The following AKAP13 variants were observed in gnomAD, a reference collection of about 807,000 sequenced individuals.
AKAP13 encodes A-kinase anchoring protein 13, also known as A-kinase anchor protein 13.
Under a neutral mutation model 264.5 loss-of-function variants are expected in AKAP13, and 80 were observed. That is an observed-to-expected ratio of 0.30 (90% CI 0.25 to 0.36). The LOEUF (loss-of-function observed/expected upper bound fraction) is 0.36, where lower values mean the gene tolerates loss of function less well. Among genes scored for constraint, AKAP13 ranks in the 10% least tolerant of loss-of-function variants. The pLI, the probability that AKAP13 is intolerant of heterozygous loss-of-function variation, is 1.00. For missense variants in AKAP13, 3,712 were observed against 3,435.2 expected (o/e 1.08, Z -2.01); for synonymous variants, 1,380 against 1,250.2 (o/e 1.10, Z -2.19).
chr15:85,636,776 G>A (rs1157170852), intron 8 of AKAP13, among the ~76,000 whole-genome samples: 1 of 152,016 alleles, frequency 6.6e-6, no homozygotes. Flanking sequence ...CACCACACCT[G>A]GCTGATTTTT....
At chr15:85,694,593 C>A (rs2085467024) in intron 17 of AKAP13, among the ~76,000 whole-genome samples, 1 of 152,184 alleles carries the variant, frequency 6.6e-6, no homozygotes, top group Admixed American at 6.5e-5. Flanking sequence ...AGGCTTCAAG[C>A]CACATTTAGC....
chr15:85,740,997 G>A (rs536224019), intron 34 of AKAP13, 49 bp from the exon 35 acceptor site: 11 of 1,550,368 alleles, frequency 7.1e-6, no homozygotes, highest in East Asian at 4.5e-5. Context: ...CCAGAAGCTC[G>A]CTGTCGTCCT....
At chr15:85,645,437 CTT>C (rs955387493) in intron 9 of AKAP13, among the ~76,000 whole-genome samples, 11 of 152,216 alleles carry the variant, frequency 7.2e-5, no homozygotes, top group Admixed American at 5.9e-4. Flanking sequence ...TAGTAAAAGA[CTT>C]TGGATTTTGA....
chr15:85,684,011 A>G (rs1428312251), intron 15 of AKAP13, among the ~76,000 whole-genome samples: 1 of 152,166 alleles, frequency 6.6e-6, no homozygotes, highest in Non-Finnish European at 1.5e-5. Flanking sequence ...CCGTGTGCCA[A>G]AGGCTAGAAA....
intron 1 of AKAP13, among the ~76,000 whole-genome samples, chr15:85,463,459 G>A (rs1250302276): frequency 6.6e-6 from 1 of 151,878 alleles, no homozygotes; most frequent in African/African-American, 2.4e-5. Flanking sequence ...TTTCTTTCTG[G>A]GTCTTACAGA....
intron 2 of AKAP13, among the ~76,000 whole-genome samples, chr15:85,517,288 T>G (rs1029875047): frequency 5.3e-5 from 8 of 152,152 alleles, no homozygotes; most frequent in African/African-American, 1.9e-4. Flanking sequence ...TTCTTTCCAT[T>G]CATCCCTGCA....
chr15:85,620,469 C>A (rs149216944), intron 8 of AKAP13, among the ~76,000 whole-genome samples: 1 of 152,236 alleles, frequency 6.6e-6, no homozygotes, highest in East Asian at 1.9e-4. Flanking sequence ...GAGAAATTCA[C>A]CTTCCAAGTT....
intron 19 of AKAP13, among the ~76,000 whole-genome samples, chr15:85,711,614 C>T (rs2086637698): frequency 6.6e-6 from 1 of 152,074 alleles, no homozygotes; most frequent in Non-Finnish European, 1.5e-5. Flanking sequence ...TTTAAAGTTC[C>T]CCTAGAGACA....
At chr15:85,715,567 C>T (rs2151710954) in intron 19 of AKAP13, among the ~76,000 whole-genome samples, 1 of 151,292 alleles carries the variant, frequency 6.6e-6, no homozygotes, top group South Asian at 2.1e-4. Context: ...TGTAAAGCGC[C>T]TTACTTCTGC....
In AKAP13 at chr15:85,664,581, G is replaced by C. The variant is rs754157495; in HGVS notation, c.4818G>C (p.Leu1606Phe). Residue 1606 changes from leucine (L) to phenylalanine (F), a missense_variant, in exon 13 of 37, where the codon TTG becomes TTC. Transcript: ENST00000394518. ...IHRRSFSLEG[L>F]TGGAGVGNKP... is the part of the protein sequence containing the mutation. ...TGTTCAGTTTCAGTCTAGAAGGCTT[G>C]ACAGGAGGAGCTGGTGTCGGAAACA... 20 of 1,612,530 alleles carry C rather than the reference G, an allele frequency of 1.2e-5. No homozygotes were observed. Among genetic ancestry groups the C allele is most frequent in the Non-Finnish European group, 1.4e-5 (17 of 1,179,192 alleles).
chr15:85,538,018 G>A (rs1183854510), intron 4 of AKAP13, among the ~76,000 whole-genome samples: 1 of 152,186 alleles, frequency 6.6e-6, no homozygotes, highest in Non-Finnish European at 1.5e-5. Context: ...GGATTCATCT[G>A]GGTGTGGCGT....
chr15:85,393,419 A>G (rs889755030), intron 1 of AKAP13, among the ~76,000 whole-genome samples: 1 of 152,236 alleles, frequency 6.6e-6, no homozygotes, highest in African/African-American at 2.4e-5. Flanking sequence ...AAAGGCATGC[A>G]TGGGTCAGTG....
intron 19 of AKAP13, among the ~76,000 whole-genome samples, chr15:85,714,276 G>A (rs1437729895): frequency 1.3e-5 from 2 of 152,174 alleles, no homozygotes; most frequent in Non-Finnish European, 2.9e-5. Context: ...CATCCTTGTC[G>A]TTTTCACATT....
At chr15:85,440,091 T>C (rs2073567487) in intron 1 of AKAP13, among the ~76,000 whole-genome samples, 1 of 152,176 alleles carries the variant, frequency 6.6e-6, no homozygotes, top group Admixed American at 6.5e-5. Flanking sequence ...GTGTTGGCAG[T>C]GTTCTGTGCC....
intron 30 of AKAP13, among the ~76,000 whole-genome samples, chr15:85,731,846 CCGAGG>C (rs2088061227): frequency 6.6e-6 from 1 of 152,024 alleles, no homozygotes; most frequent in African/African-American, 2.4e-5. Context: ...TTTTGGGAGG[CCGAGG>C]CAAGTGGATC....
Position 85,659,363 on chromosome 15 carries a change from T to C in AKAP13, c.4799+773T>C, listed in dbSNP as rs558097901. Among the ~76,000 whole-genome samples the C allele has an allele frequency of 5.3e-5, 8 of 152,360 alleles. No individual in the cohort carries two copies. The South Asian group carries it at 1.7e-3, about 32-fold the overall frequency. ...TTCTCAGGAGGCATTTGTAAAGAAGTATTTTTAACTATTAGCTGAACCTGT... is the reference window on the plus strand; with the variant it reads ...TTCTCAGGAGGCATTTGTAAAGAAGCATTTTTAACTATTAGCTGAACCTGT... On this transcript the variant is annotated intron_variant, in intron 12 of 36. Transcript: ENST00000394518.
intron 1 of AKAP13, among the ~76,000 whole-genome samples, chr15:85,432,174 A>G (rs1403543253): frequency 6.6e-6 from 1 of 152,132 alleles, no homozygotes. Flanking sequence ...TTTCAACTCA[A>G]TTCTAACCTC....
At chr15:85,396,495 T>TA (rs35937699) in intron 1 of AKAP13, among the ~76,000 whole-genome samples, 5 of 152,208 alleles carry the variant, frequency 3.3e-5, no homozygotes, top group Admixed American at 6.5e-5. Flanking sequence ...TGCATTATTT[T>TA]AAAAAAAGCT....
rs567122594 is a variant in AKAP13, at chr15:85,527,184, T to C, written c.181+5609T>C. ...TTCACCGTGTTAGCCAGGATGGTCT[T>C]GATCTCCTGACCTCGTGATCCGCCC... is the stretch of plus-strand genomic sequence containing the variant. On this transcript the variant is annotated intron_variant, in intron 3 of 36. Coordinates refer to ENST00000394518, the MANE Select transcript of AKAP13 (RefSeq NM_007200.5). Among the ~76,000 whole-genome samples, 97 of 152,222 alleles carry C rather than the reference T, an allele frequency of 6.4e-4. 1 individual carries two copies. Among genetic ancestry groups the C allele is most frequent in the East Asian group, 3.7e-3 (19 of 5,174 alleles).
Sources: allele counts gnomAD v4.1 joint callset (sites outside exome capture counted in the v4.1 genomes callset), GRCh38; gene constraint gnomAD v4.1.1; transcripts MANE v1.5; gene names NCBI Gene and HGNC (gene_info 2026-07-23, HGNC 2026-07-21).